CD151: variants seen among roughly 807,000 people sequenced by gnomAD.
The protein encoded by CD151 is CD151 antigen.
A neutral mutation model predicts 34.2 loss-of-function variants in CD151; 20 were observed. The ratio of observed to expected loss-of-function variants is 0.58; its 90% confidence interval spans 0.41 to 0.85. The LOEUF is 0.85. Ranked by LOEUF, CD151 falls within the 40% of genes least tolerant of loss-of-function variation. The pLI, the probability that CD151 is intolerant of heterozygous loss-of-function variation, is 0.00. For missense variants in CD151, 306 were observed against 324.5 expected, an observed-to-expected ratio of 0.94 and a Z score of 0.44; for synonymous variants, 157 against 131.7, an observed-to-expected ratio of 1.19 and a Z score of -1.32.
chr11:833,262 T>A (rs61876748), intron 1 of CD151, among the ~76,000 whole-genome samples: 1 of 151,824 alleles, frequency 6.6e-6, no homozygotes, highest in African/African-American at 2.4e-5. Context: ...CCGGGCGGGT[T>A]GGGGAGGCGC....
rs539779639 is a variant in CD151 at position 838,373 on chromosome 11, G to C, written c.*181G>C. Reference sequence around the variant, plus strand: ...ACCAATGCCCAGCAGGGGAGGTGAGGGGGGCTGGCGGGGCGAAGTTTGGGG... The same window carrying C: ...ACCAATGCCCAGCAGGGGAGGTGAGCGGGGCTGGCGGGGCGAAGTTTGGGG... On this transcript the variant is annotated 3_prime_UTR_variant, in exon 9 of 9. Transcript: ENST00000397420. 3.5e-5 allele frequency: 21 copies of C among 599,696 alleles called. 1 individual carries two copies. In the South Asian group the frequency reaches 3.8e-4, roughly 11 times the overall value. The allele number at this position is 599,696 out of a possible 1,614,324, so 37.1% of individuals were successfully genotyped here. A position where few individuals can be genotyped will look rare whatever the true frequency, so the allele number is the denominator to read the frequency against.
rs866886079 is a variant in CD151 at position 836,351 on chromosome 11, A to G, written c.185A>G (p.Tyr62Cys). ...TCAGGCACCTACCTGGCCACAGCCT[A>G]CATCCTGGTGGTGGCGGGCACTGTC... Reference protein sequence around the residue: ...LASGTYLATAYILVVAGTVVM... With the variant: ...LASGTYLATACILVVAGTVVM... Residue 62 changes from tyrosine (Y) to cysteine (C), a missense_variant, in exon 4 of 9, where the codon TAC (tyrosine) becomes TGC (cysteine). Physicochemically the swap from Tyr to Cys is radical, Grantham distance 194. Transcript: ENST00000397420. The G allele has an allele frequency of 9.9e-6, 16 of 1,612,438 alleles. No individual in the cohort carries two copies. The Middle Eastern group carries it at 4.9e-4, about 50-fold the overall frequency.
Position 837,529 on chromosome 11 carries a change from G to A in CD151, c.526G>A (p.Gly176Ser), listed in dbSNP as rs780181998. ...DSEWIRSQEA[G>S]GRVVPDSCCK... ...TGAGTGGATCCGCTCACAGGAGGCC[G>A]GTGGCCGTGTGGTCCCAGACAGCTG... Residue 176 changes from glycine to serine, a missense_variant, in exon 7 of 9, where the codon GGT becomes AGT. By Grantham distance (56) the Gly-to-Ser change is moderately conservative (BLOSUM62 0). Transcript: ENST00000397420. The A allele has an allele frequency of 2.5e-6, 4 of 1,613,010 alleles. No individual in the cohort carries two copies. The highest frequency in any genetic ancestry group is 1.7e-4 in the Middle Eastern group (1 of 6,060).
At position 836,397 on chromosome 11, in the gene CD151, G is replaced by C. The variant is rs771096074; in HGVS notation, c.231G>C (p.Leu77Phe). ...CTGTCGTCATGGTGACTGGGGTCTT[G>C]GGCTGCTGCGCCACCTTCAAGGAGC... ...AGTVVMVTGV[L>F]GCCATFKERR... Residue 77 changes from leucine (L) to phenylalanine (F), a missense_variant, in exon 4 of 9, where the codon TTG becomes TTC. Transcript: ENST00000397420. The C allele has an allele frequency of 6.2e-7, 1 of 1,611,882 alleles. No individual in the cohort carries two copies. Among genetic ancestry groups the C allele is most frequent in the Non-Finnish European group, 8.5e-7 (1 of 1,179,830 alleles).
At chr11:835,271 C>T (rs1846709155) in intron 2 of CD151, 1 of 152,306 alleles carries the variant, frequency 6.6e-6, no homozygotes, top group Non-Finnish European at 1.5e-5. Context: ...GGGGCTCATT[C>T]ACAGGCCTCC....
In CD151 at chr11:833,818, C is replaced by CACCCCCATCGGTGGCAGACGCACA. The variant is rs1846644302; in HGVS notation, c.-69-712_-69-711insACCCCCATCGGTGGCAGACGCACA. Reference sequence around the variant, plus strand: ...CCCCCCATCGGTGGCAGACGCACACCCCGCCCCCCGGTGGCAGACACATCC... The same window carrying CACCCCCATCGGTGGCAGACGCACA: ...CCCCCCATCGGTGGCAGACGCACACCACCCCCATCGGTGGCAGACGCACACCGCCCCCCGGTGGCAGACACATCC... On this transcript the variant is annotated intron_variant, in intron 1 of 8. Transcript: ENST00000397420. Among the ~76,000 whole-genome samples the CACCCCCATCGGTGGCAGACGCACA allele has an allele frequency of 1.2e-4, 3 of 24,460 alleles. 1 individual carries two copies. In the East Asian group the frequency reaches 0.014, roughly 110 times the overall value. 16.0% of individuals were successfully genotyped at this position (24,460 alleles called of 152,430 possible). A position where few individuals can be genotyped will look rare whatever the true frequency, so the allele number is the denominator to read the frequency against.
At chr11:833,955 C>G (rs1307488817) in intron 1 of CD151, 2 of 152,368 alleles carry the variant, frequency 1.3e-5, no homozygotes, top group Non-Finnish European at 2.9e-5. Flanking sequence ...GTCTGTCCCC[C>G]TCCAGCTCCA....
Position 837,933 on chromosome 11 carries a change from G to A in CD151, c.616-9G>A, listed in dbSNP as rs943283562. 2.1e-5 allele frequency: 34 copies of A among 1,608,116 alleles called. No individual in the cohort carries two copies. Among genetic ancestry groups the A allele is most frequent in the Middle Eastern group, 1.7e-4 (1 of 6,032 alleles). On this transcript the variant is annotated splice_polypyrimidine_tract_variant and intron_variant, in intron 7 of 8. Coordinates refer to ENST00000397420, the MANE Select transcript of CD151 (RefSeq NM_004357.5). ...GGGCCCGCCTTCAACACCCATCCGC[G>A]CCCCGCAGGGCGGCTGCATCACCAA...
At chr11:836,012 A>T in intron 2 of CD151, 51 bp from the exon 3 acceptor site, 1 of 1,101,196 alleles carries the variant, frequency 9.1e-7, no homozygotes, top group Non-Finnish European at 1.4e-6. Flanking sequence ...TCCGTCTCCC[A>T]GTCAGGGGCC....
chr11:838,299 C>G lies in CD151; in HGVS notation c.*107C>G. On this transcript the variant is annotated 3_prime_UTR_variant, in exon 9 of 9. Coordinates refer to ENST00000397420, the MANE Select transcript of CD151 (RefSeq NM_004357.5). ...ACCCACCCTGTGCCATCACCATAAC[C>G]TCTGGGGACCCCAACCTCAGAGGCA... 1 of 914,052 alleles carries G rather than the reference C, an allele frequency of 1.1e-6. No individual in the cohort carries two copies. Among genetic ancestry groups the G allele is most frequent in the Non-Finnish European group, 1.8e-6 (1 of 565,824 alleles). 56.6% of individuals were successfully genotyped at this position (914,052 alleles called of 1,614,324 possible).
In CD151 at chr11:836,668, A is replaced by T; in HGVS notation, c.277-101A>T. ...GGAGGGTGGCCGCCCCTCAGCCCCC[A>T]CCTGGAGCCTGGGGAGCCGGGGTGG... is the stretch of plus-strand genomic sequence containing the variant. On this transcript the variant is annotated intron_variant, in intron 4 of 8. Transcript: ENST00000397420. The T allele has an allele frequency of 2.6e-5, 31 of 1,198,280 alleles. No individual in the cohort carries two copies. In the South Asian group the frequency reaches 3.9e-4, roughly 15 times the overall value. The allele number at this position is 1,198,280 out of a possible 1,614,324, so 74.2% of individuals were successfully genotyped here.
At chr11:836,561 C>T in intron 4 of CD151, 119 bp downstream of exon 4, 1 of 863,828 alleles carries the variant, frequency 1.2e-6, no homozygotes, top group South Asian at 1.7e-5. Context: ...CACGGTCCTT[C>T]CACACCTGCC....
In CD151 at chr11:838,526, C is replaced by G; in HGVS notation, c.*334C>G. 1 of 447,472 alleles carries G rather than the reference C, an allele frequency of 2.2e-6. No homozygotes were observed. Among genetic ancestry groups the G allele is most frequent in the Non-Finnish European group, 4.1e-6 (1 of 246,774 alleles). 27.7% of individuals were successfully genotyped at this position (447,472 alleles called of 1,614,324 possible). A position where few individuals can be genotyped will look rare whatever the true frequency, so the allele number is the denominator to read the frequency against. On this transcript the variant is annotated 3_prime_UTR_variant, in exon 9 of 9. Coordinates refer to ENST00000397420, the MANE Select transcript of CD151 (RefSeq NM_004357.5). ...GGAGAAACCCTTCACACCCCAGGCC[C>G]TTCAGGAACTGGGGCCTTGCCTTGC...
chr11:838,483 C>G lies in CD151; in HGVS notation c.*291C>G. ...GGGGCCTTGCTGAGTGGCGCAAGGC[C>G]GAGCGTTCCCAGCAGGGGGAGAAAC... On this transcript the variant is annotated 3_prime_UTR_variant, in exon 9 of 9. Coordinates refer to ENST00000397420, the MANE Select transcript of CD151 (RefSeq NM_004357.5). 1 of 546,082 alleles carries G rather than the reference C, an allele frequency of 1.8e-6. No homozygotes were observed. Among genetic ancestry groups the G allele is most frequent in the South Asian group, 2.2e-5 (1 of 45,880 alleles). The allele number at this position is 546,082 out of a possible 1,614,324, so 33.8% of individuals were successfully genotyped here.
intron 8 of CD151, 29 bp from the exon 9 acceptor site, chr11:838,104 T>C (rs1277305552): frequency 6.2e-7 from 1 of 1,610,990 alleles, no homozygotes; most frequent in Admixed American, 1.7e-5. Flanking sequence ...CCATGACGTC[T>C]GCTTACGCCC....
rs1130703 is a variant in CD151, at chr11:838,593, C to G, written c.*401C>G. On this transcript the variant is annotated 3_prime_UTR_variant, in exon 9 of 9. Coordinates refer to ENST00000397420, the MANE Select transcript of CD151 (RefSeq NM_004357.5). ...CCCAGTTGGGGAAGCCAGGTGAGCT[C>G]TGACCCTTGGGCCTGGGCCTCTGCC... 2 of 298,472 alleles carry G rather than the reference C, an allele frequency of 6.7e-6. No homozygotes were observed. Among genetic ancestry groups the G allele is most frequent in the Non-Finnish European group, 1.3e-5 (2 of 155,674 alleles). 18.5% of individuals were successfully genotyped at this position (298,472 alleles called of 1,614,324 possible). A position where few individuals can be genotyped will look rare whatever the true frequency, so the allele number is the denominator to read the frequency against.
At position 837,604 on chromosome 11, in the gene CD151, A is replaced by G. The variant is rs758660790; in HGVS notation, c.601A>G (p.Ile201Val). ...LCGQRDHASNIYKVEGGCITK... is the reference protein window; with the variant it reads ...LCGQRDHASNVYKVEGGCITK... ...TGGGCAGCGAGACCATGCCTCCAAC[A>G]TCTACAAGGTGGAGGTGGGTGTGCA... The change falls in exon 7 of 9, where the codon ATC becomes GTC. Residue 201 changes from isoleucine to valine, a missense_variant. By Grantham distance (29) the Ile-to-Val change is conservative. Coordinates refer to ENST00000397420, the MANE Select transcript of CD151 (RefSeq NM_004357.5). The G allele has an allele frequency of 6.2e-7, 1 of 1,612,146 alleles. No individual in the cohort carries two copies. Among genetic ancestry groups the G allele is most frequent in the Middle Eastern group, 1.7e-4 (1 of 5,924 alleles).
At chr11:835,038 G>GCAGC (rs1846697117) in intron 2 of CD151, 1 of 152,306 alleles carries the variant, frequency 6.6e-6, no homozygotes, top group African/African-American at 2.4e-5. Context: ...GCTCCTGCCA[G>GCAGC]CCTGTGACGT....
At chr11:833,297 G>A (rs1347253474) in intron 1 of CD151, among the ~76,000 whole-genome samples, 2 of 152,180 alleles carry the variant, frequency 1.3e-5, no homozygotes, top group Non-Finnish European at 2.9e-5. Flanking sequence ...GCGCCTCCCG[G>A]GCCCTTGGAC....
Sources: gnomAD v4.1 joint callset for allele counts (sites outside exome capture counted in the v4.1 genomes callset) on GRCh38, gnomAD v4.1.1 for gene constraint, MANE v1.5 for transcripts, NCBI Gene and HGNC (gene_info 2026-07-23, HGNC 2026-07-21) for gene names.